MBNL1: variants seen among roughly 807,000 people sequenced by gnomAD.
MBNL1 encodes muscleblind-like protein 1.
In MBNL1, 8 loss-of-function variants were observed where a neutral mutation model predicts 42.2. The observed-to-expected ratio is 0.19, with a 90% CI of 0.11 to 0.34. The LOEUF (loss-of-function observed/expected upper bound fraction) is 0.34. Among genes scored for constraint, MBNL1 ranks in the 10% least tolerant of loss-of-function variants. The pLI, the probability that MBNL1 is intolerant of heterozygous loss-of-function variation, is 1.00. For synonymous variants in MBNL1, 169 were observed against 173.9 expected, an observed-to-expected ratio of 0.97 and a Z score of 0.22; for missense variants, 309 against 495.3, an observed-to-expected ratio of 0.62 and a Z score of 3.57.
intron 2 of MBNL1, among the ~76,000 whole-genome samples, chr3:152,311,979 A>T (rs1231171906): frequency 6.6e-6 from 1 of 151,986 alleles, no homozygotes; most frequent in Non-Finnish European, 1.5e-5. Context: ...TCACGAGGTC[A>T]GGAGATCGAG....
At chr3:152,375,384 G>A (rs957275786) in intron 2 of MBNL1, among the ~76,000 whole-genome samples, 6 of 152,158 alleles carry the variant, frequency 3.9e-5, no homozygotes, top group South Asian at 4.1e-4. Flanking sequence ...ACTGATTACT[G>A]TTGAATTATG....
At chr3:152,281,732 A>G (rs929764140) in intron 1 of MBNL1, among the ~76,000 whole-genome samples, 1 of 152,194 alleles carries the variant, frequency 6.6e-6, no homozygotes, top group Admixed American at 6.5e-5. Context: ...CTTGAGCCCC[A>G]AAAGAGTTTC....
intron 3 of MBNL1, among the ~76,000 whole-genome samples, chr3:152,427,778 T>C (rs2098953214): frequency 6.6e-6 from 1 of 150,550 alleles, no homozygotes; most frequent in East Asian, 1.9e-4. Flanking sequence ...TAAAAAATAT[T>C]TAAAAATTAA....
rs542740520 is a variant in MBNL1, at chr3:152,354,646, G to GA, written c.174+54290dup. Among the ~76,000 whole-genome samples, 827 of 142,006 alleles carry GA rather than the reference G, an allele frequency of 5.8e-3. 4 individuals carry two copies. The highest frequency in any genetic ancestry group is 0.016 in the African/African-American group (613 of 38,924). The allele number at this position is 142,006 out of a possible 152,430, so 93.2% of individuals were successfully genotyped here. On this transcript the variant is annotated intron_variant, in intron 2 of 9. Coordinates refer to ENST00000324210, the MANE Select transcript of MBNL1 (RefSeq NM_021038.5). ...CTTAATTTTACAATTTTTACTATAT[G>GA]AAAAAAAAAAACTGCCCTGAAGCCT...
chr3:152,269,386 A>G (rs538584401), intron 1 of MBNL1: 112 of 363,596 alleles, frequency 3.1e-4, no homozygotes, highest in East Asian at 8.3e-5. Context: ...AGGGAGAAAC[A>G]GGGGGGCGAG....
At chr3:152,442,117 C>T (rs2099153296) in intron 4 of MBNL1, among the ~76,000 whole-genome samples, 2 of 152,220 alleles carry the variant, frequency 1.3e-5, no homozygotes, top group Non-Finnish European at 1.5e-5. Flanking sequence ...TGTGTTGACC[C>T]AGTACATACA....
intron 2 of MBNL1, among the ~76,000 whole-genome samples, chr3:152,304,385 A>C (rs2061990944): frequency 6.6e-6 from 1 of 152,188 alleles, no homozygotes. Flanking sequence ...ATCATATTTT[A>C]AAAACCAGTT....
chr3:152,261,585 G>A lies in MBNL1; in HGVS notation n.333+17145G>A, dbSNP rs77671734. On this transcript the variant is annotated intron_variant and non_coding_transcript_variant, in intron 2 of 2. Transcript: ENST00000477171. ...AGATAATCTCCTATCACCTAGTTGA[G>A]GATTTGTTACCGAAAGCCTAGGGGA... Among the ~76,000 whole-genome samples, 782 of 152,194 alleles carry A rather than the reference G, an allele frequency of 5.1e-3. 10 individuals carry two copies. The highest frequency in any genetic ancestry group is 0.039 in the East Asian group (203 of 5,184).
Position 152,335,147 on chromosome 3 carries a change from T to G in MBNL1, c.174+34780T>G, listed in dbSNP as rs76609478. 1,427 of 1,289,720 alleles carry G rather than the reference T, an allele frequency of 1.1e-3. 13 individuals are homozygous for G. The African/African-American group carries it at 0.02, about 18-fold the overall frequency. 79.9% of individuals were successfully genotyped at this position (1,289,720 alleles called of 1,614,324 possible). A position where few individuals can be genotyped will look rare whatever the true frequency, so the allele number is the denominator to read the frequency against. ...GAAATGTTGTTTAAGGGGAACCTTCTGGATCCTTTTCATGGCACCATGGCA... is the reference window on the plus strand; with the variant it reads ...GAAATGTTGTTTAAGGGGAACCTTCGGGATCCTTTTCATGGCACCATGGCA... On this transcript the variant is annotated intron_variant, in intron 2 of 9. Transcript: ENST00000324210.
intron 2 of MBNL1, among the ~76,000 whole-genome samples, chr3:152,388,075 G>A (rs556814723): frequency 4.7e-4 from 72 of 152,294 alleles, no homozygotes; most frequent in African/African-American, 1.7e-3. Flanking sequence ...GCTTTCACTA[G>A]ACCCTTGACA....
intron 2 of MBNL1, among the ~76,000 whole-genome samples, chr3:152,252,126 A>G (rs1576782510): frequency 7.7e-6 from 1 of 130,560 alleles, no homozygotes; most frequent in East Asian, 2.3e-4. Context: ...TCTAGAACAA[A>G]CTAACCTACC....
chr3:152,453,038 TAATA>T (rs1347601504), intron 6 of MBNL1, among the ~76,000 whole-genome samples: 6 of 151,536 alleles, frequency 4.0e-5, no homozygotes, highest in Admixed American at 3.9e-4. Context: ...TTATGTATAT[TAATA>T]AATTACTTAT....
chr3:152,424,116 G>A (rs1191641093), intron 3 of MBNL1, among the ~76,000 whole-genome samples: 3 of 152,210 alleles, frequency 2.0e-5, no homozygotes, highest in African/African-American at 7.2e-5. Flanking sequence ...ATTCAGGTAG[G>A]AAGAGAGGAA....
intron 2 of MBNL1, among the ~76,000 whole-genome samples, chr3:152,352,260 C>G (rs915150121): frequency 2.0e-5 from 3 of 152,118 alleles, no homozygotes; most frequent in African/African-American, 7.2e-5. Context: ...TTCATGTATT[C>G]ATTTTTTCAT....
At chr3:152,366,102 A>T (rs1446055502) in intron 2 of MBNL1, among the ~76,000 whole-genome samples, 5 of 152,172 alleles carry the variant, frequency 3.3e-5, no homozygotes, top group Non-Finnish European at 5.9e-5. Context: ...CTAAGAAATT[A>T]CTAACTGCAA....
At chr3:152,314,914 A>G (rs546809982) in intron 2 of MBNL1, among the ~76,000 whole-genome samples, 109 of 152,176 alleles carry the variant, frequency 7.2e-4, no homozygotes, top group Non-Finnish European at 1.3e-3. Context: ...TCTGGGTATG[A>G]GTTATGTGTT....
rs115921535 is a variant in MBNL1, at chr3:152,291,541, G to A, written c.-789-7864G>A. Among the ~76,000 whole-genome samples, 755 of 152,242 alleles carry A rather than the reference G, an allele frequency of 5.0e-3. 11 individuals carry two copies. The highest frequency in any genetic ancestry group is 3.9e-3 in the Non-Finnish European group (264 of 68,026). ...TGTAATTTGTCGAAAATACAAACTA[G>A]TCTGATATACTAAGAAAAATCTTCA... On this transcript the variant is annotated intron_variant, in intron 1 of 9. Transcript: ENST00000324210.
At chr3:152,384,477 T>A (rs2097324285) in intron 2 of MBNL1, among the ~76,000 whole-genome samples, 1 of 152,150 alleles carries the variant, frequency 6.6e-6, no homozygotes, top group African/African-American at 2.4e-5. Context: ...AAAATCACAC[T>A]TGATTGCCAT....
chr3:152,406,308 A>C (rs1320358054), intron 2 of MBNL1, among the ~76,000 whole-genome samples: 1 of 152,214 alleles, frequency 6.6e-6, no homozygotes, highest in Admixed American at 6.5e-5. Context: ...TCCCATCACA[A>C]GCAACTCTAA....
Sources: gnomAD v4.1 joint callset for allele counts (sites outside exome capture counted in the v4.1 genomes callset) on GRCh38, gnomAD v4.1.1 for gene constraint, MANE v1.5 for transcripts, NCBI Gene and HGNC (gene_info 2026-07-23, HGNC 2026-07-21) for gene names.